Variants in ZNF57 observed in about 807,000 individuals in gnomAD.
The protein encoded by ZNF57 is zinc finger protein 57.
A neutral mutation model predicts 13.4 loss-of-function variants in ZNF57; 11 were observed. That is an observed-to-expected ratio of 0.82 (90% confidence interval 0.52 to 1.36). ZNF57 has a LOEUF of 1.36. Among genes scored for constraint, ZNF57 ranks in the 40% most tolerant of loss-of-function variants. ZNF57 has a pLI of 0.00. For missense variants in ZNF57, 696 were observed against 667.5 expected, an observed-to-expected ratio of 1.04 and a Z score of -0.47; for synonymous variants, 224 against 238.5, an observed-to-expected ratio of 0.94 and a Z score of 0.56.
At chr19:2,906,358 G>A (rs1483691528) in intron 1 of ZNF57, among the ~76,000 whole-genome samples, 2 of 152,250 alleles carry the variant, frequency 1.3e-5, no homozygotes, top group East Asian at 3.8e-4. Context: ...CCGGCCCTGA[G>A]TGTGAATTTT....
chr19:2,905,851 TAGA>T (rs1439199764), intron 1 of ZNF57, among the ~76,000 whole-genome samples: 1 of 152,030 alleles, frequency 6.6e-6, no homozygotes, highest in African/African-American at 2.4e-5. Flanking sequence ...TTTCAGTTCT[TAGA>T]AGTAGTTTTT....
intron 1 of ZNF57, among the ~76,000 whole-genome samples, chr19:2,911,011 T>A (rs986622048): frequency 6.6e-6 from 1 of 152,018 alleles, no homozygotes; most frequent in African/African-American, 2.4e-5. Context: ...TTTTTCTCCT[T>A]TCTTAGCAAG....
At position 2,910,701 on chromosome 19, in the gene ZNF57, C is replaced by T. The variant is rs536394269; in HGVS notation, c.4-4821C>T. On this transcript the variant is annotated intron_variant, in intron 1 of 3. Coordinates refer to ENST00000306908, the MANE Select transcript of ZNF57 (RefSeq NM_173480.3). Reference sequence around the variant, plus strand: ...GGTCTCAATCTCCTGACATCGTGATCTGCCCGCCTCGGCCTCCCGAAGTGT... The same window carrying T: ...GGTCTCAATCTCCTGACATCGTGATTTGCCCGCCTCGGCCTCCCGAAGTGT... Among the ~76,000 whole-genome samples, 448 of 114,722 alleles carry T rather than the reference C, an allele frequency of 3.9e-3. 136 individuals are homozygous for T. The highest frequency in any genetic ancestry group is 0.014 in the Middle Eastern group (3 of 216). 75.3% of individuals were successfully genotyped at this position (114,722 alleles called of 152,430 possible).
chr19:2,909,310 T>C (rs1192843777), intron 1 of ZNF57, among the ~76,000 whole-genome samples: 1 of 89,412 alleles, frequency 1.1e-5, no homozygotes, highest in Non-Finnish European at 2.3e-5. Flanking sequence ...AGACAGAGTC[T>C]CGCTCTGTCG....
intron 1 of ZNF57, among the ~76,000 whole-genome samples, chr19:2,911,031 C>G (rs1264026042): frequency 6.6e-6 from 1 of 151,582 alleles, no homozygotes; most frequent in Non-Finnish European, 1.5e-5. Context: ...GTCAGGTATG[C>G]TTCTCTTTCC....
intron 3 of ZNF57, 107 bp from the exon 4 acceptor site, chr19:2,916,817 C>T (rs1184234655): frequency 8.3e-6 from 8 of 963,934 alleles, no homozygotes; most frequent in Non-Finnish European, 1.0e-5. Flanking sequence ...AGAAAAACTT[C>T]ACGTATACTG....
rs778392267 is a variant in ZNF57, at chr19:2,917,864, A to C, written c.1243A>C (p.Thr415Pro). 1.2e-6 allele frequency: 2 copies of C among 1,611,930 alleles called. No individual in the cohort carries two copies. Among genetic ancestry groups the C allele is most frequent in the Middle Eastern group, 1.6e-4 (1 of 6,078 alleles). ...ATTCCGAGGTCATTTGAGGACGCAC[A>C]CTGGAGAGAAGCCTTATGAGTGTAA... is the stretch of plus-strand genomic sequence containing the variant. ...RSFRGHLRTH[T>P]GEKPYECKQC... Residue 415 changes from threonine to proline, a missense_variant, in exon 4 of 4, where the codon ACT becomes CCT. Around this residue, in one of 3 missense-constraint regions of ZNF57, gnomAD observed 645 missense variants for 591.5 expected, o/e 1.09. Transcript: ENST00000306908.
At position 2,916,003 on chromosome 19, in the gene ZNF57, C is replaced by CTAAACTCCT. The variant is rs1281152674; in HGVS notation, c.131-74_131-66dup. On this transcript the variant is annotated intron_variant, in intron 2 of 3. Coordinates refer to ENST00000306908, the MANE Select transcript of ZNF57 (RefSeq NM_173480.3). ...TGTTATTGATGAGGTCCTCAAAATG[C>CTAAACTCCT]TAAACTCCTCAGTGTCTTCCTTTGC... 3.7e-5 allele frequency: 55 copies of CTAAACTCCT among 1,500,238 alleles called. No individual in the cohort carries two copies. The African/African-American group carries it at 7.3e-4, about 20-fold the overall frequency. The allele number at this position is 1,500,238 out of a possible 1,614,324, so 92.9% of individuals were successfully genotyped here. A position where few individuals can be genotyped will look rare whatever the true frequency, so the allele number is the denominator to read the frequency against.
rs1273895239 is a variant in ZNF57 at position 2,905,005 on chromosome 19, TC to T, written c.3+3960del. ...CAGTTGATGTGGATGTTCCTTATTC[TC>T]CCATAGATAGCATCTCTCCTTGCCC... is the stretch of plus-strand genomic sequence containing the variant. On this transcript the variant is annotated intron_variant, in intron 1 of 3. Coordinates refer to ENST00000306908, the MANE Select transcript of ZNF57 (RefSeq NM_173480.3). Among the ~76,000 whole-genome samples, 9 of 152,266 alleles carry T rather than the reference TC, an allele frequency of 5.9e-5. No individual in the cohort carries two copies. In the East Asian group the frequency reaches 1.7e-3, roughly 29 times the overall value.
chr19:2,900,949 C>A lies in ZNF57; in HGVS notation c.-97C>A. ...CGTCCTCCCTGCCGCGCGTGCCCTG[C>A]CTACCACGAGCGGCCCGGGAGTACC... On this transcript the variant is annotated 5_prime_UTR_variant, in exon 1 of 4. Transcript: ENST00000306908. 6.7e-7 allele frequency: 1 copy of A among 1,494,382 alleles called. No individual in the cohort carries two copies. Among genetic ancestry groups the A allele is most frequent in the Non-Finnish European group, 9.1e-7 (1 of 1,104,442 alleles). 92.6% of individuals were successfully genotyped at this position (1,494,382 alleles called of 1,614,324 possible). A position where few individuals can be genotyped will look rare whatever the true frequency, so the allele number is the denominator to read the frequency against.
chr19:2,910,840 C>T (rs1329068079), intron 1 of ZNF57, among the ~76,000 whole-genome samples: 1 of 144,806 alleles, frequency 6.9e-6, no homozygotes, highest in African/African-American at 2.5e-5. Context: ...GTGATCCGCC[C>T]GCCTCGGCCT....
intron 1 of ZNF57, among the ~76,000 whole-genome samples, chr19:2,901,368 TCAG>T (rs1443998037): frequency 2.2e-4 from 33 of 151,262 alleles, no homozygotes; most frequent in African/African-American, 7.5e-4. Context: ...CAAGGGACGG[TCAG>T]CAGGTTGGGG....
intron 1 of ZNF57, among the ~76,000 whole-genome samples, chr19:2,911,516 G>T (rs1307051536): frequency 6.7e-6 from 1 of 149,100 alleles, no homozygotes; most frequent in Admixed American, 6.8e-5. Context: ...CTGGGCGACA[G>T]AGGGAGAGTC....
At chr19:2,915,739 C>A in intron 2 of ZNF57, 91 bp downstream of exon 2, 1 of 1,589,584 alleles carries the variant, frequency 6.3e-7, no homozygotes, top group South Asian at 1.1e-5. Context: ...TGGGAAAGGA[C>A]TAAGACAGAC....
intron 1 of ZNF57, among the ~76,000 whole-genome samples, chr19:2,905,773 A>G (rs2088070294): frequency 6.6e-6 from 1 of 150,954 alleles, no homozygotes; most frequent in Non-Finnish European, 1.5e-5. Context: ...TCAAAAAAAA[A>G]AAAAAAAGAA....
At chr19:2,907,708 T>C (rs2088088386) in intron 1 of ZNF57, among the ~76,000 whole-genome samples, 1 of 152,178 alleles carries the variant, frequency 6.6e-6, no homozygotes, top group South Asian at 2.1e-4. Flanking sequence ...AAAGTAGTTT[T>C]GTCAAGTCCT....
chr19:2,905,622 G>T (rs986024850), intron 1 of ZNF57, among the ~76,000 whole-genome samples: 2 of 151,746 alleles, frequency 1.3e-5, no homozygotes, highest in African/African-American at 4.8e-5. Context: ...AAAATTAGCC[G>T]GGTGTGGTGG....
chr19:2,907,250 C>G (rs1176393938), intron 1 of ZNF57: 1 of 152,208 alleles, frequency 6.6e-6, no homozygotes, highest in Non-Finnish European at 1.5e-5. Context: ...ATGAGGTATG[C>G]TTCCTGCCTG....
rs371830411 is a variant in ZNF57, at chr19:2,900,965, C to T, written c.-81C>T. On this transcript the variant is annotated 5_prime_UTR_variant, in exon 1 of 4. Transcript: ENST00000306908. The stretch of plus-strand genomic sequence containing the variant: ...CGTGCCCTGCCTACCACGAGCGGCC[C>T]GGGAGTACCTGTACCTTTCAGCTGC... The T allele has an allele frequency of 1.3e-6, 2 of 1,533,960 alleles. No individual in the cohort carries two copies. Among genetic ancestry groups the T allele is most frequent in the African/African-American group, 1.4e-5 (1 of 71,840 alleles).
Sources: gnomAD v4.1 joint callset for allele counts (sites outside exome capture counted in the v4.1 genomes callset) on GRCh38, gnomAD v4.1.1 for gene constraint, gnomAD v4.1.1 regional missense constraint, MANE v1.5 for transcripts, NCBI Gene and HGNC (gene_info 2026-07-23, HGNC 2026-07-21) for gene names.